ZNF385D: variants seen among roughly 807,000 people sequenced by gnomAD.
The protein encoded by ZNF385D is zinc finger protein 659.
In ZNF385D, 15 loss-of-function variants were observed where a neutral mutation model predicts 35.8. That is an observed-to-expected ratio of 0.42 (90% CI 0.28 to 0.64). The LOEUF (loss-of-function observed/expected upper bound fraction) is 0.64, where lower values mean the gene tolerates loss of function less well. ZNF385D is among the 30% of genes least tolerant of loss of function. The probability of loss-of-function intolerance (pLI) is 0.23; values close to 1 mark genes in which losing one functional copy is unlikely to be tolerated. For synonymous variants in ZNF385D, 212 were observed against 186.8 expected (o/e 1.13, Z -1.10); for missense variants, 474 against 494.6 (o/e 0.96, Z 0.39).
intron 3 of ZNF385D, among the ~76,000 whole-genome samples, chr3:21,982,753 G>A (rs1035678106): frequency 1.3e-5 from 2 of 151,880 alleles, no homozygotes; most frequent in Admixed American, 6.6e-5. Context: ...TTTGAGGTAT[G>A]TTTCTACTAT....
At chr3:21,707,724 C>T (rs1229195320) in intron 1 of ZNF385D, among the ~76,000 whole-genome samples, 1 of 152,162 alleles carries the variant, frequency 6.6e-6, no homozygotes, top group African/African-American at 2.4e-5. Context: ...AGTGAGATCA[C>T]TTGAGAATGT....
intron 2 of ZNF385D, among the ~76,000 whole-genome samples, chr3:22,232,208 CAT>C (rs1401060368): frequency 2.0e-5 from 3 of 152,100 alleles, no homozygotes; most frequent in Admixed American, 2.0e-4. Context: ...CATCTGGAAT[CAT>C]TATCCCCCTA....
chr3:21,638,421 T>C (rs1407125981), intron 2 of ZNF385D, among the ~76,000 whole-genome samples: 3 of 152,008 alleles, frequency 2.0e-5, no homozygotes. Context: ...CTTTAAAAGA[T>C]TTTGGTATTT....
At chr3:21,901,565 G>C (rs1039375995) in intron 3 of ZNF385D, among the ~76,000 whole-genome samples, 2 of 152,118 alleles carry the variant, frequency 1.3e-5, no homozygotes, top group African/African-American at 4.8e-5. Context: ...ATAAGCTTTA[G>C]AAACACTGCC....
intron 2 of ZNF385D, among the ~76,000 whole-genome samples, chr3:22,346,278 C>T (rs1695655962): frequency 6.6e-6 from 1 of 152,050 alleles, no homozygotes; most frequent in East Asian, 1.9e-4. Context: ...ATATTCATTT[C>T]TTTTTCCAAA....
chr3:21,564,948 T>A (rs943416665), intron 2 of ZNF385D, among the ~76,000 whole-genome samples: 1 of 152,194 alleles, frequency 6.6e-6, no homozygotes, highest in East Asian at 1.9e-4. Flanking sequence ...AAAGCAACAG[T>A]TGTCTCAGTT....
chr3:22,115,853 G>A (rs1405160579), intron 3 of ZNF385D, among the ~76,000 whole-genome samples: 3 of 152,030 alleles, frequency 2.0e-5, no homozygotes, highest in Non-Finnish European at 4.4e-5. Context: ...ACAGGTTTTT[G>A]TTTCCTTAAA....
intron 3 of ZNF385D, among the ~76,000 whole-genome samples, chr3:21,882,604 A>C (rs1173624632): frequency 6.6e-6 from 1 of 152,024 alleles, no homozygotes; most frequent in Non-Finnish European, 1.5e-5. Context: ...GCCTGTACAG[A>C]AGCTTGGGAA....
At chr3:22,245,276 T>A (rs576186294) in intron 2 of ZNF385D, among the ~76,000 whole-genome samples, 2 of 152,212 alleles carry the variant, frequency 1.3e-5, no homozygotes, top group African/African-American at 4.8e-5. Flanking sequence ...CACATTGATT[T>A]ATTTCACCAC....
At chr3:22,347,792 A>G (rs539850089) in intron 2 of ZNF385D, among the ~76,000 whole-genome samples, 3 of 152,194 alleles carry the variant, frequency 2.0e-5, no homozygotes, top group Non-Finnish European at 4.4e-5. Context: ...TTTATACAGA[A>G]CTATATAGTC....
intron 3 of ZNF385D, among the ~76,000 whole-genome samples, chr3:21,559,953 A>G (rs1200099232): frequency 6.6e-6 from 1 of 152,044 alleles, no homozygotes; most frequent in South Asian, 2.1e-4. Flanking sequence ...CAATTCGGCT[A>G]TTGATACTTG....
chr3:22,044,164 A>G (rs1313845961), intron 3 of ZNF385D, among the ~76,000 whole-genome samples: 8 of 151,472 alleles, frequency 5.3e-5, no homozygotes, highest in Non-Finnish European at 1.0e-4. Context: ...AACAGCCTGC[A>G]TGGATAGTCA....
At chr3:22,029,154 C>T (rs549391298) in intron 3 of ZNF385D, among the ~76,000 whole-genome samples, 4 of 152,266 alleles carry the variant, frequency 2.6e-5, no homozygotes, top group South Asian at 2.1e-4. Context: ...AAGTTATGAT[C>T]GCCACCTGGA....
intron 2 of ZNF385D, among the ~76,000 whole-genome samples, chr3:21,655,312 A>T (rs1030100561): frequency 6.6e-6 from 1 of 152,080 alleles, no homozygotes; most frequent in Non-Finnish European, 1.5e-5. Context: ...GCTGTAAAGT[A>T]TTAAACATAG....
At chr3:21,447,858 A>G (rs1575162886) in intron 4 of ZNF385D, among the ~76,000 whole-genome samples, 2 of 152,194 alleles carry the variant, frequency 1.3e-5, no homozygotes, top group Non-Finnish European at 2.9e-5. Flanking sequence ...TGAAGAAATA[A>G]CAGCCAGCTC....
intron 2 of ZNF385D, among the ~76,000 whole-genome samples, chr3:22,232,158 C>T (rs9846052): frequency 2.0e-5 from 3 of 151,912 alleles, no homozygotes; most frequent in Admixed American, 6.6e-5. Context: ...CACTTTCTTG[C>T]GCTCATATTG....
chr3:21,509,352 C>G (rs1707026629), intron 4 of ZNF385D, among the ~76,000 whole-genome samples: 1 of 152,142 alleles, frequency 6.6e-6, no homozygotes, highest in South Asian at 2.1e-4. Context: ...CCAGATGCTG[C>G]TTTGGGGATC....
chr3:22,122,550 G>C (rs1439874254), intron 3 of ZNF385D, among the ~76,000 whole-genome samples: 1 of 152,032 alleles, frequency 6.6e-6, no homozygotes, highest in South Asian at 2.1e-4. Context: ...CAGCCATAAA[G>C]AAAAGTGACA....
intron 2 of ZNF385D, among the ~76,000 whole-genome samples, chr3:22,327,478 C>T (rs762565093): frequency 6.6e-6 from 1 of 152,154 alleles, no homozygotes; most frequent in Non-Finnish European, 1.5e-5. Flanking sequence ...CAACCACTTC[C>T]AGAAATTAAT....
Sources: allele counts gnomAD v4.1 joint callset (sites outside exome capture counted in the v4.1 genomes callset), GRCh38; gene constraint gnomAD v4.1.1; transcripts MANE v1.5; gene names NCBI Gene and HGNC (gene_info 2026-07-23, HGNC 2026-07-21).